KCNMA1: variants seen among roughly 807,000 people sequenced by gnomAD.
The protein encoded by KCNMA1 is potassium calcium-activated channel subfamily M alpha 1.
Under a neutral mutation model 140.0 loss-of-function variants are expected in KCNMA1, and 29 were observed. That is an observed-to-expected ratio of 0.21 (90% CI 0.15 to 0.28). KCNMA1 has a LOEUF of 0.28. Ranked by LOEUF, KCNMA1 falls within the 10% of genes least tolerant of loss-of-function variation. KCNMA1 has a pLI of 1.00. For synonymous variants in KCNMA1, 612 were observed against 611.9 expected (o/e 1.00, Z 0.00); for missense variants, 880 against 1,602.2 (o/e 0.55, Z 7.70).
intron 1 of KCNMA1, among the ~76,000 whole-genome samples, chr10:77,554,290 G>A (rs1204802179): frequency 6.6e-6 from 1 of 152,096 alleles, no homozygotes; most frequent in East Asian, 1.9e-4. Context: ...ATGAGGTAAG[G>A]AAGAGTCCAA....
chr10:77,512,986 A>G (rs2048961396), intron 1 of KCNMA1, among the ~76,000 whole-genome samples: 1 of 152,144 alleles, frequency 6.6e-6, no homozygotes, highest in Admixed American at 6.5e-5. Flanking sequence ...GAACTTCACC[A>G]GTGTTAACCA....
At chr10:76,923,236 G>C (rs1350139916) in intron 23 of KCNMA1, among the ~76,000 whole-genome samples, 1 of 152,052 alleles carries the variant, frequency 6.6e-6, no homozygotes, top group East Asian at 1.9e-4. Context: ...TCACACACAT[G>C]AAACAAATAT....
intron 1 of KCNMA1, among the ~76,000 whole-genome samples, chr10:77,521,692 T>G (rs1296631077): frequency 6.6e-6 from 1 of 152,216 alleles, no homozygotes; most frequent in Non-Finnish European, 1.5e-5. Flanking sequence ...TTAAGCATCA[T>G]CATTTTTCTT....
intron 14 of KCNMA1, among the ~76,000 whole-genome samples, chr10:77,053,859 T>C (rs1261865694): frequency 6.6e-6 from 1 of 152,132 alleles, no homozygotes; most frequent in East Asian, 1.9e-4. Flanking sequence ...AAAAATACCA[T>C]AAGCTCTTCC....
chr10:77,611,965 A>G (rs1422315820), intron 1 of KCNMA1, among the ~76,000 whole-genome samples: 1 of 152,232 alleles, frequency 6.6e-6, no homozygotes, highest in Non-Finnish European at 1.5e-5. Flanking sequence ...AGTAAAGTAT[A>G]TATTTGACTA....
intron 5 of KCNMA1, among the ~76,000 whole-genome samples, chr10:77,177,299 T>G (rs2098759313): frequency 6.6e-6 from 1 of 150,834 alleles, no homozygotes; most frequent in Non-Finnish European, 1.5e-5. Flanking sequence ...CTTTCCTTCC[T>G]TCTTTCTTTT....
intron 2 of KCNMA1, among the ~76,000 whole-genome samples, chr10:77,297,124 C>T (rs2075371672): frequency 6.6e-6 from 1 of 152,194 alleles, no homozygotes; most frequent in Admixed American, 6.5e-5. Context: ...GTGAAGAAGG[C>T]TGAGACACAG....
At chr10:77,481,243 C>T (rs374867313) in intron 1 of KCNMA1, among the ~76,000 whole-genome samples, 1 of 152,122 alleles carries the variant, frequency 6.6e-6, no homozygotes. Flanking sequence ...GGACCAATCA[C>T]TTATCTTTCC....
chr10:77,025,240 G>GTATATATATATATATATATATATATA (rs1384161555), intron 16 of KCNMA1, among the ~76,000 whole-genome samples: 1 of 65,370 alleles, frequency 1.5e-5, no homozygotes, highest in African/African-American at 5.4e-5. Flanking sequence ...AGGGGTGTGT[G>GTATATATATATATATATATATATATA]TGTATATATA....
At chr10:77,317,324 A>G (rs2081148435) in intron 2 of KCNMA1, among the ~76,000 whole-genome samples, 1 of 152,134 alleles carries the variant, frequency 6.6e-6, no homozygotes, top group South Asian at 2.1e-4. Flanking sequence ...GCACTCCACC[A>G]AGATTTTGTT....
intron 22 of KCNMA1, among the ~76,000 whole-genome samples, chr10:76,947,704 T>G (rs1195682370): frequency 2.0e-5 from 3 of 152,230 alleles, no homozygotes; most frequent in African/African-American, 4.8e-5. Flanking sequence ...AGTGGGTTTT[T>G]GGCCCAGCAT....
intron 21 of KCNMA1, among the ~76,000 whole-genome samples, chr10:76,949,751 A>G (rs1329517068): frequency 1.3e-5 from 2 of 152,200 alleles, no homozygotes; most frequent in Non-Finnish European, 2.9e-5. Context: ...GAAATTGTTG[A>G]TTAAATGAGC....
intron 14 of KCNMA1, among the ~76,000 whole-genome samples, chr10:77,055,613 G>A (rs1341035332): frequency 6.6e-6 from 1 of 152,082 alleles, no homozygotes; most frequent in African/African-American, 2.4e-5. Flanking sequence ...GATTAAAGGA[G>A]ATAGGAGAAT....
At chr10:77,624,865 G>C (rs2154570198) in intron 1 of KCNMA1, among the ~76,000 whole-genome samples, 1 of 151,896 alleles carries the variant, frequency 6.6e-6, no homozygotes, top group Admixed American at 6.6e-5. Flanking sequence ...TCTCAATGTG[G>C]GCAGGGCCTA....
intron 1 of KCNMA1, among the ~76,000 whole-genome samples, chr10:77,494,333 T>C (rs1178739365): frequency 1.3e-5 from 2 of 152,218 alleles, no homozygotes; most frequent in Non-Finnish European, 1.5e-5. Flanking sequence ...AGGACATTCC[T>C]AAGAAGGACT....
chr10:76,875,319 G>T (rs2032171905), downstream of KCNMA1: 1 of 152,102 alleles, frequency 6.6e-6, no homozygotes, highest in Non-Finnish European at 1.5e-5. Flanking sequence ...CTATTTAAAA[G>T]AAAATGAATT....
chr10:77,152,261 CTT>C (rs1289232212), intron 5 of KCNMA1, among the ~76,000 whole-genome samples: 2 of 127,614 alleles, frequency 1.6e-5, no homozygotes, highest in African/African-American at 6.9e-5. Flanking sequence ...CTTGGAGACT[CTT>C]CTGTTTTTTT....
At chr10:77,553,701 T>C (rs2063407898) in intron 1 of KCNMA1, among the ~76,000 whole-genome samples, 1 of 152,240 alleles carries the variant, frequency 6.6e-6, no homozygotes. Flanking sequence ...TAGAGGGTCC[T>C]GCTGAACCCA....
chr10:77,602,328 A>C (rs1317595297), intron 1 of KCNMA1, among the ~76,000 whole-genome samples: 4 of 152,276 alleles, frequency 2.6e-5, no homozygotes, highest in South Asian at 2.1e-4. Flanking sequence ...GTATGAGCAC[A>C]TTTAGATGGA....
Sources: gnomAD v4.1 joint callset for allele counts (sites outside exome capture counted in the v4.1 genomes callset) on GRCh38, gnomAD v4.1.1 for gene constraint, MANE v1.5 for transcripts, NCBI Gene and HGNC (gene_info 2026-07-23, HGNC 2026-07-21) for gene names.